The following POGZ variants were observed in gnomAD, a reference collection of about 807,000 sequenced individuals.
The protein encoded by POGZ is pogo transposable element with ZNF domain.
Under a neutral mutation model 134.6 loss-of-function variants are expected in POGZ, and 17 were observed. That is an observed-to-expected ratio of 0.13 (90% CI 0.09 to 0.19). The LOEUF (loss-of-function observed/expected upper bound fraction) is 0.19. Among genes scored for constraint, POGZ ranks in the 10% least tolerant of loss-of-function variants. POGZ has a pLI of 1.00. For synonymous variants in POGZ, 693 were observed against 657.1 expected, an observed-to-expected ratio of 1.05 and a Z score of -0.84; for missense variants, 1,306 against 1,769.7, an observed-to-expected ratio of 0.74 and a Z score of 4.70.
intron 10 of POGZ, among the ~76,000 whole-genome samples, chr1:151,415,197 T>C (rs1439450327): frequency 6.6e-6 from 1 of 152,218 alleles, no homozygotes; most frequent in Non-Finnish European, 1.5e-5. Flanking sequence ...CTCCGACTCC[T>C]AAACATGGTT....
At chr1:151,406,836 C>T in intron 17 of POGZ, 75 bp downstream of exon 17, 1 of 1,157,138 alleles carries the variant, frequency 8.6e-7, no homozygotes, top group Non-Finnish European at 1.3e-6. Flanking sequence ...AGTAGGTATG[C>T]TCCTGATGCA....
intron 1 of POGZ, among the ~76,000 whole-genome samples, chr1:151,446,254 GA>G (rs142998370): frequency 0.19 from 7,302 of 39,158 alleles, 228 homozygotes; most frequent in East Asian, 0.3. Flanking sequence ...TTCTCATAAG[GA>G]AAAAAAAAAA....
intron 1 of POGZ, among the ~76,000 whole-genome samples, chr1:151,449,748 T>C (rs564934633): frequency 6.6e-6 from 1 of 151,672 alleles, no homozygotes; most frequent in African/African-American, 2.4e-5. Context: ...TACAAAAAAT[T>C]AGCCAGGCGT....
At chr1:151,445,702 T>C (rs773586500) in intron 1 of POGZ, among the ~76,000 whole-genome samples, 18 of 152,150 alleles carry the variant, frequency 1.2e-4, no homozygotes, top group Non-Finnish European at 2.4e-4. Flanking sequence ...CACAGACTTA[T>C]ACACAAAGCA....
intron 1 of POGZ, among the ~76,000 whole-genome samples, chr1:151,450,327 C>T (rs899366426): frequency 6.6e-6 from 1 of 151,864 alleles, no homozygotes; most frequent in African/African-American, 2.4e-5. Context: ...GCCACAGCAC[C>T]CAGCCAGGAA....
Position 151,454,076 on chromosome 1 carries a change from A to G in POGZ, c.-2+5076T>C, listed in dbSNP as rs184627141. Among the ~76,000 whole-genome samples, 6 of 152,330 alleles carry G rather than the reference A, an allele frequency of 3.9e-5. No homozygotes were observed. The East Asian group carries it at 1.2e-3, about 29-fold the overall frequency. On this transcript the variant is annotated intron_variant, in intron 1 of 18. Coordinates refer to ENST00000271715, the MANE Select transcript of POGZ (RefSeq NM_015100.4). Reference sequence around the variant, plus strand: ...CTTTGTCTTGTTCTTTCATAGCTGTAAAGTCCAGAAATGAAGAATGAAGAA... The same window carrying G: ...CTTTGTCTTGTTCTTTCATAGCTGTGAAGTCCAGAAATGAAGAATGAAGAA...
At chr1:151,411,925 G>A in intron 11 of POGZ, 154 bp from the exon 12 acceptor site, 2 of 614,782 alleles carry the variant, frequency 3.3e-6, no homozygotes, top group South Asian at 5.0e-5. Flanking sequence ...TGTAATGCTG[G>A]GCTATGTTTG....
At chr1:151,427,562 T>C in intron 7 of POGZ, 1 of 403,362 alleles carries the variant, frequency 2.5e-6, no homozygotes, top group Non-Finnish European at 4.6e-6. Flanking sequence ...TTCCATGAAG[T>C]TATCTTTCAT....
chr1:151,409,029 A>T (rs970293534), intron 12 of POGZ, among the ~76,000 whole-genome samples: 2 of 152,198 alleles, frequency 1.3e-5, no homozygotes, highest in African/African-American at 4.8e-5. Flanking sequence ...GATATCAAAG[A>T]AAGATGGATT....
chr1:151,449,397 A>C (rs529785427), intron 1 of POGZ, among the ~76,000 whole-genome samples: 2 of 152,150 alleles, frequency 1.3e-5, no homozygotes, highest in South Asian at 4.2e-4. Flanking sequence ...GGTGTTACTG[A>C]CCTATCTAGT....
intron 3 of POGZ, among the ~76,000 whole-genome samples, chr1:151,437,612 C>T (rs1172040318): frequency 6.6e-6 from 1 of 151,848 alleles, no homozygotes; most frequent in African/African-American, 2.4e-5. Context: ...ATTAGCCGAG[C>T]ATGGCAGCGC....
chr1:151,448,895 CAAACA>C (rs1365449881), intron 1 of POGZ, among the ~76,000 whole-genome samples: 3 of 152,036 alleles, frequency 2.0e-5, no homozygotes, highest in Non-Finnish European at 4.4e-5. Context: ...AACACGCAAA[CAAACA>C]AAACTATCTT....
intron 1 of POGZ, among the ~76,000 whole-genome samples, chr1:151,448,459 A>G (rs149653518): frequency 2.1e-4 from 32 of 152,246 alleles, no homozygotes; most frequent in Non-Finnish European, 3.4e-4. Flanking sequence ...TAAAATTTTT[A>G]AAAAATTATT....
intron 10 of POGZ, among the ~76,000 whole-genome samples, chr1:151,420,409 T>C (rs1451244090): frequency 4.2e-4 from 64 of 152,174 alleles, no homozygotes; most frequent in Non-Finnish European, 1.5e-4. Flanking sequence ...CTTGACCTAC[T>C]GGGCTCAAGC....
At chr1:151,416,255 A>G (rs1170861234) in intron 10 of POGZ, among the ~76,000 whole-genome samples, 1 of 150,768 alleles carries the variant, frequency 6.6e-6, no homozygotes, top group Non-Finnish European at 1.5e-5. Context: ...AGAAAAGAAA[A>G]AAAAAAAGAC....
chr1:151,433,950 AG>A lies in POGZ; in HGVS notation c.284-3110del, dbSNP rs561169372. Among the ~76,000 whole-genome samples, 17 of 152,298 alleles carry A rather than the reference AG, an allele frequency of 1.1e-4. No homozygotes were observed. The East Asian group carries it at 1.9e-3, about 17-fold the overall frequency. ...TCCCAGCTATTTGAGAGGCTGAAGCAGGTGGATCACTTGAGCCTAGGAGTTC... is the reference window on the plus strand; with the variant it reads ...TCCCAGCTATTTGAGAGGCTGAAGCAGTGGATCACTTGAGCCTAGGAGTTC... On this transcript the variant is annotated intron_variant, in intron 3 of 18. Transcript: ENST00000271715.
At chr1:151,446,316 T>C (rs947190878) in intron 1 of POGZ, among the ~76,000 whole-genome samples, 10 of 149,838 alleles carry the variant, frequency 6.7e-5, no homozygotes, top group South Asian at 2.1e-4. Flanking sequence ...CTATGAAGGA[T>C]TGGATACTTA....
intron 1 of POGZ, among the ~76,000 whole-genome samples, chr1:151,451,206 A>C (rs1662020062): frequency 6.6e-6 from 1 of 150,612 alleles, no homozygotes; most frequent in Non-Finnish European, 1.5e-5. Context: ...ATTAGTTATC[A>C]GCTGTTTTGT....
intron 1 of POGZ, among the ~76,000 whole-genome samples, chr1:151,446,781 G>GAAAAAAAAAAAAAAAAAAAAAA (rs1661341494): frequency 7.4e-6 from 1 of 134,486 alleles, no homozygotes. Flanking sequence ...AAAAAAAAAG[G>GAAAAAAAAAAAAAAAAAAAAAA]AAAACTTGGA....
Sources: allele counts gnomAD v4.1 joint callset (sites outside exome capture counted in the v4.1 genomes callset), GRCh38; gene constraint gnomAD v4.1.1; transcripts MANE v1.5; gene names NCBI Gene and HGNC (gene_info 2026-07-23, HGNC 2026-07-21).